Variants in PAGE2B observed in about 807,000 individuals in gnomAD.
PAGE2B encodes the protein PAGE family member 2B, also known as putative G antigen family E member 3.
A neutral mutation model predicts 7.6 loss-of-function variants in PAGE2B; 5 were observed. The ratio of observed to expected loss-of-function variants is 0.66; its 90% CI spans 0.34 to 1.38. The LOEUF (loss-of-function observed/expected upper bound fraction) is 1.38. Ranked by LOEUF, PAGE2B falls within the 40% of genes most tolerant of loss-of-function variation. PAGE2B has a pLI of 0.04. For synonymous variants in PAGE2B, 29 were observed against 26.7 expected, an observed-to-expected ratio of 1.09 and a Z score of -0.27; for missense variants, 70 against 78.4, an observed-to-expected ratio of 0.89 and a Z score of 0.41.
chrX:55,035,984 G>T, the PAGE2B span, among the ~76,000 whole-genome samples: 3 of 111,498 alleles, frequency 2.7e-5, no homozygotes, highest in African/African-American at 6.5e-5. Flanking sequence ...CTTGAGCAGT[G>T]GTTTGTAGTT....
chrX:55,041,076 TTC>T, the PAGE2B span, among the ~76,000 whole-genome samples: 4 of 105,581 alleles, frequency 3.8e-5, no homozygotes, highest in African/African-American at 1.4e-4. Flanking sequence ...TGTTCAATAA[TTC>T]TTTTTTTTTT....
At chrX:55,046,067 G>T in the PAGE2B span, among the ~76,000 whole-genome samples, 1 of 111,099 alleles carries the variant, frequency 9.0e-6, no homozygotes, top group African/African-American at 3.3e-5. Flanking sequence ...AAGATTTCTG[G>T]AATAGGTGAT....
At chrX:55,065,964 C>T in the PAGE2B span, among the ~76,000 whole-genome samples, 1 of 112,500 alleles carries the variant, frequency 8.9e-6, no homozygotes. Context: ...TTTAGTCTTT[C>T]TACTGAAGAT....
chrX:55,063,753 T>G, the PAGE2B span, among the ~76,000 whole-genome samples: 610 of 111,629 alleles, frequency 5.5e-3, 11 homozygotes, highest in Admixed American at 0.053. Context: ...TTTTGAGGGT[T>G]TTTATCATGA....
At chrX:55,037,200 G>T in the PAGE2B span, among the ~76,000 whole-genome samples, 2 of 110,480 alleles carry the variant, frequency 1.8e-5, no homozygotes, top group East Asian at 2.8e-4. Flanking sequence ...CAAACAAATT[G>T]ACAAGAAAAA....
chrX:55,035,073 A>G, the PAGE2B span, among the ~76,000 whole-genome samples: 5 of 110,320 alleles, frequency 4.5e-5, no homozygotes, highest in African/African-American at 1.7e-4. Flanking sequence ...CACCCAGGTT[A>G]AGGGTGGGTT....
At chrX:55,029,834 C>T in the PAGE2B span, among the ~76,000 whole-genome samples, 1 of 111,543 alleles carries the variant, frequency 9.0e-6, no homozygotes, top group African/African-American at 3.3e-5. Flanking sequence ...TTCCCTACGA[C>T]TTTAAAATCC....
At chrX:55,071,113 A>T (rs745573989), upstream of PAGE2B, among the ~76,000 whole-genome samples, 9 of 111,701 alleles carry the variant, frequency 8.1e-5, no homozygotes, top group African/African-American at 2.9e-4. Flanking sequence ...TAGTTTATGC[A>T]GTTTCTTCAT....
At chrX:55,057,605 C>T in the PAGE2B span, among the ~76,000 whole-genome samples, 15 of 110,762 alleles carry the variant, frequency 1.4e-4, no homozygotes, top group East Asian at 4.3e-3. Context: ...CTGTCAGTTA[C>T]AGGGAAAGAA....
the PAGE2B span, among the ~76,000 whole-genome samples, chrX:55,067,956 G>A: frequency 8.9e-6 from 1 of 112,105 alleles, no homozygotes; most frequent in Non-Finnish European, 1.9e-5. Flanking sequence ...CTGGATATTA[G>A]CCCTTTGTCA....
upstream of PAGE2B, among the ~76,000 whole-genome samples, chrX:55,071,156 G>T (rs769077068): frequency 2.9e-4 from 32 of 110,610 alleles, no homozygotes; most frequent in Admixed American, 1.1e-3. Flanking sequence ...AGTTTTTTTT[G>T]TTTGTTTGTT....
the PAGE2B span, among the ~76,000 whole-genome samples, chrX:55,061,578 C>G: frequency 9.3e-3 from 1,036 of 111,363 alleles, 12 homozygotes; most frequent in African/African-American, 0.032. Context: ...AAGCATTTAT[C>G]CTTTGTGTTA....
At chrX:55,072,924 C>T (rs148921777), upstream of PAGE2B, among the ~76,000 whole-genome samples, 1,032 of 111,585 alleles carry the variant, frequency 9.2e-3, 12 homozygotes, top group African/African-American at 0.032. Flanking sequence ...TCCCACCAAG[C>T]TCCGATAGTC....
At chrX:55,030,170 T>C in the PAGE2B span, among the ~76,000 whole-genome samples, 1 of 111,068 alleles carries the variant, frequency 9.0e-6, no homozygotes, top group Admixed American at 9.6e-5. Flanking sequence ...AAATCAAAAC[T>C]AGAAAGGGTG....
At chrX:55,049,512 A>G in the PAGE2B span, among the ~76,000 whole-genome samples, 2 of 111,207 alleles carry the variant, frequency 1.8e-5, no homozygotes, top group African/African-American at 6.6e-5. Flanking sequence ...CAGAGATTCA[A>G]CTTCTTCCTG....
the PAGE2B span, among the ~76,000 whole-genome samples, chrX:55,043,793 G>A: frequency 1.8e-5 from 2 of 109,518 alleles, no homozygotes; most frequent in East Asian, 2.9e-4. Context: ...CTGGAGAAAC[G>A]CCCGCTCTAC....
chrX:55,029,643 A>G, the PAGE2B span, among the ~76,000 whole-genome samples: 1 of 111,897 alleles, frequency 8.9e-6, no homozygotes, highest in South Asian at 3.7e-4. Context: ...TTACCAAAGG[A>G]ACAGATCTGT....
chrX:55,076,718 G>A (rs754648291), intron 3 of PAGE2B, 41 bp downstream of exon 3: 1 of 1,074,566 alleles, frequency 9.3e-7, no homozygotes, highest in East Asian at 3.1e-5. Flanking sequence ...GGTGGTGGAG[G>A]TCTATTTATG....
At chrX:55,048,821 G>T in the PAGE2B span, among the ~76,000 whole-genome samples, 1 of 111,278 alleles carries the variant, frequency 9.0e-6, no homozygotes, top group African/African-American at 3.3e-5. Flanking sequence ...TGATTGCCCT[G>T]GCCAGAACTT....
Sources: allele counts gnomAD v4.1 joint callset (sites outside exome capture counted in the v4.1 genomes callset), GRCh38; gene constraint gnomAD v4.1.1; transcripts MANE v1.5; gene names NCBI Gene and HGNC (gene_info 2026-07-23, HGNC 2026-07-21).